The following VSX2 variants were observed in gnomAD, a reference collection of about 807,000 sequenced individuals.
VSX2 encodes the protein ceh-10 homeo domain containing homolog.
VSX2 carries 28 observed loss-of-function variants against 32.1 expected under a neutral mutation model. That is an observed-to-expected ratio of 0.87 (90% CI 0.65 to 1.20). The LOEUF is 1.20. Among genes scored for constraint, VSX2 ranks in the 50% most tolerant of loss-of-function variants. VSX2 has a pLI of 0.00. For missense variants in VSX2, 506 were observed against 488.7 expected, an observed-to-expected ratio of 1.04 and a Z score of -0.33; for synonymous variants, 243 against 214.1, an observed-to-expected ratio of 1.14 and a Z score of -1.18.
intron 3 of VSX2, among the ~76,000 whole-genome samples, chr14:74,245,588 C>T (rs1011901277): frequency 1.3e-5 from 2 of 152,062 alleles, no homozygotes; most frequent in Admixed American, 6.6e-5. Flanking sequence ...GAGGGGCCCC[C>T]GGTCCTGGGC....
chr14:74,241,973 T>C (rs1396448323), intron 2 of VSX2, among the ~76,000 whole-genome samples: 1 of 152,162 alleles, frequency 6.6e-6, no homozygotes, highest in Non-Finnish European at 1.5e-5. Flanking sequence ...TTTGTTTTTG[T>C]CTTTAAATGG....
chr14:74,244,930 G>GTGTGTGTT, intron 2 of VSX2, among the ~76,000 whole-genome samples: 1 of 81,250 alleles, frequency 1.2e-5, no homozygotes, highest in African/African-American at 4.8e-5. Context: ...GTGTGTGTGT[G>GTGTGTGTT]AAAGAGAGAG....
intron 2 of VSX2, among the ~76,000 whole-genome samples, chr14:74,242,519 C>T (rs1209317034): frequency 6.6e-6 from 1 of 151,740 alleles, no homozygotes; most frequent in African/African-American, 2.4e-5. Flanking sequence ...CTCCGGATCT[C>T]GGTCTATTCT....
rs1318485889 is a variant in VSX2, at chr14:74,259,660, G to A, written c.638G>A (p.Ser213Asn). Residue 213 changes from serine (S) to asparagine (N), a missense_variant, in exon 4 of 5, where the codon AGC becomes AAC. Coordinates refer to ENST00000261980, the MANE Select transcript of VSX2 (RefSeq NM_182894.3). ...WRKREKCWGR[S>N]SVMAEYGLYG... ...AAGCGGGAGAAGTGCTGGGGCCGGA[G>A]CAGTGTCATGGCGGAGTATGGGCTC... 1 of 1,614,198 alleles carries A rather than the reference G, an allele frequency of 6.2e-7. No individual in the cohort carries two copies. Among genetic ancestry groups the A allele is most frequent in the East Asian group, 2.2e-5 (1 of 44,882 alleles).
At chr14:74,241,073 G>T (rs1328923079) in intron 1 of VSX2, 109 bp from the exon 2 acceptor site, 2 of 1,129,406 alleles carry the variant, frequency 1.8e-6, no homozygotes, top group Admixed American at 1.8e-5. Flanking sequence ...GGGAGACAGA[G>T]CAGGTCCCCG....
chr14:74,247,154 G>A (rs1321615336), intron 3 of VSX2, among the ~76,000 whole-genome samples: 2 of 152,180 alleles, frequency 1.3e-5, no homozygotes, highest in Non-Finnish European at 2.9e-5. Flanking sequence ...CCCAGAAGCT[G>A]TCTGTGAGTT....
chr14:74,248,342 A>AAC (rs1555387993), intron 3 of VSX2, among the ~76,000 whole-genome samples: 1 of 139,540 alleles, frequency 7.2e-6, no homozygotes, highest in Non-Finnish European at 1.6e-5. Flanking sequence ...GCTAAAAAAA[A>AAC]AAAAAAAAAC....
At chr14:74,244,933 A>T in intron 2 of VSX2, among the ~76,000 whole-genome samples, 2 of 119,456 alleles carry the variant, frequency 1.7e-5, no homozygotes, top group Non-Finnish European at 3.5e-5. Flanking sequence ...TGTGTGTGAA[A>T]GAGAGAGAGA....
Position 74,240,057 on chromosome 14 carries a change from G to T in VSX2, c.370+126G>T, listed in dbSNP as rs542167306. 1,457 of 1,321,088 alleles carry T rather than the reference G, an allele frequency of 1.1e-3. 2 individuals carry two copies. Among genetic ancestry groups the T allele is most frequent in the South Asian group, 1.3e-3 (88 of 68,288 alleles). 81.8% of individuals were successfully genotyped at this position (1,321,088 alleles called of 1,614,324 possible). The stretch of plus-strand genomic sequence containing the variant: ...AGTTCCTGCCAGGCCGGGGGTCGCC[G>T]CCTGGGCCTTGGGCCGACGCGCCTG... On this transcript the variant is annotated intron_variant, in intron 1 of 4. Coordinates refer to ENST00000261980, the MANE Select transcript of VSX2 (RefSeq NM_182894.3).
chr14:74,249,295 G>C (rs1430104990), intron 3 of VSX2, among the ~76,000 whole-genome samples: 1 of 151,980 alleles, frequency 6.6e-6, no homozygotes, highest in Non-Finnish European at 1.5e-5. Flanking sequence ...TTTAGAGACA[G>C]GGTCTCACTG....
At chr14:74,258,178 C>A (rs2079279754) in intron 3 of VSX2, among the ~76,000 whole-genome samples, 1 of 152,200 alleles carries the variant, frequency 6.6e-6, no homozygotes. Context: ...AGTGCTGCCT[C>A]CCCAGCATTA....
chr14:74,248,632 A>G (rs1302787097), intron 3 of VSX2, among the ~76,000 whole-genome samples: 2 of 151,954 alleles, frequency 1.3e-5, no homozygotes, highest in East Asian at 3.9e-4. Context: ...TAGAGGCTAC[A>G]GTGAGCTGTA....
intron 4 of VSX2, among the ~76,000 whole-genome samples, chr14:74,260,319 C>T (rs564554941): frequency 1.3e-5 from 2 of 152,308 alleles, no homozygotes; most frequent in Admixed American, 6.5e-5. Context: ...GGGGGAGGGA[C>T]AGGGGAGCAT....
chr14:74,245,076 A>G, intron 2 of VSX2, 89 bp from the exon 3 acceptor site: 1 of 1,576,452 alleles, frequency 6.3e-7, no homozygotes, highest in South Asian at 1.1e-5. Flanking sequence ...GGGCCTGCCC[A>G]GGAGACACAG....
chr14:74,241,149 A>G (rs187370852), intron 1 of VSX2, 33 bp from the exon 2 acceptor site: 3 of 1,607,466 alleles, frequency 1.9e-6, no homozygotes, highest in East Asian at 2.2e-5. Context: ...CGCGTCCCCC[A>G]CTCTGCCGCA....
At chr14:74,243,778 T>C (rs2079167063) in intron 2 of VSX2, among the ~76,000 whole-genome samples, 1 of 151,868 alleles carries the variant, frequency 6.6e-6, no homozygotes, top group Non-Finnish European at 1.5e-5. Flanking sequence ...ACAATCTTTC[T>C]TCCCTGAATT....
intron 3 of VSX2, among the ~76,000 whole-genome samples, chr14:74,256,651 A>G (rs1239857246): frequency 6.8e-6 from 1 of 147,946 alleles, no homozygotes; most frequent in Non-Finnish European, 1.5e-5. Context: ...TGAGAGGTGG[A>G]TAAAACCGGG....
chr14:74,254,185 A>G (rs2139641969), intron 3 of VSX2, among the ~76,000 whole-genome samples: 1 of 151,174 alleles, frequency 6.6e-6, no homozygotes, highest in African/African-American at 2.4e-5. Context: ...CAAGGCGGGC[A>G]GATCACCTGA....
chr14:74,239,523 T>C lies in VSX2; in HGVS notation c.-39T>C. 1.3e-6 allele frequency: 2 copies of C among 1,549,478 alleles called. No individual in the cohort carries two copies. Among genetic ancestry groups the C allele is most frequent in the Non-Finnish European group, 1.7e-6 (2 of 1,146,758 alleles). On this transcript the variant is annotated 5_prime_UTR_variant, in exon 1 of 5. Transcript: ENST00000261980. ...AGCCCGGCGGGGGGGTGGGGGGAGCTAAAGACCTGCGGCCTCAGCCCCTCC... is the reference window on the plus strand; with the variant it reads ...AGCCCGGCGGGGGGGTGGGGGGAGCCAAAGACCTGCGGCCTCAGCCCCTCC...
Sources: gnomAD v4.1 joint callset for allele counts (sites outside exome capture counted in the v4.1 genomes callset) on GRCh38, gnomAD v4.1.1 for gene constraint, MANE v1.5 for transcripts, NCBI Gene and HGNC (gene_info 2026-07-23, HGNC 2026-07-21) for gene names.